The following LOXHD1 variants were observed in gnomAD, a reference collection of about 807,000 sequenced individuals.
LOXHD1 encodes lipoxygenase homology PLAT domains 1.
LOXHD1 carries 205 observed loss-of-function variants against 248.2 expected under a neutral mutation model. The observed-to-expected ratio is 0.83, with a 90% CI of 0.74 to 0.93. The LOEUF is 0.93. LOXHD1 is among the 40% of genes least tolerant of loss of function. LOXHD1 has a pLI of 0.00. For synonymous variants in LOXHD1, 1,113 were observed against 1,162.8 expected (o/e 0.96, Z 0.87); for missense variants, 2,930 against 2,971.6 (o/e 0.99, Z 0.33).
intron 12 of LOXHD1, among the ~76,000 whole-genome samples, chr18:46,581,747 ATAT>A (rs1285390601): frequency 1.3e-5 from 2 of 152,238 alleles, no homozygotes; most frequent in African/African-American, 4.8e-5. Flanking sequence ...ACACCTAGAC[ATAT>A]TATAGTCAAA....
intron 14 of LOXHD1, among the ~76,000 whole-genome samples, chr18:46,573,898 A>G (rs1283101289): frequency 6.6e-6 from 1 of 152,168 alleles, no homozygotes; most frequent in Non-Finnish European, 1.5e-5. Flanking sequence ...ACTCCAAGAC[A>G]TGAGCATGCA....
At chr18:46,635,493 C>G (rs2038881354) in intron 4 of LOXHD1, among the ~76,000 whole-genome samples, 1 of 152,108 alleles carries the variant, frequency 6.6e-6, no homozygotes, top group Non-Finnish European at 1.5e-5. Context: ...GCCATTTGAC[C>G]TTGGATGGAT....
At chr18:46,489,758 C>T (rs1364629005) in intron 37 of LOXHD1, among the ~76,000 whole-genome samples, 1 of 152,230 alleles carries the variant, frequency 6.6e-6, no homozygotes, top group Non-Finnish European at 1.5e-5. Context: ...GTGTCTCATC[C>T]TCCAGGCCAT....
At position 46,610,919 on chromosome 18, in the gene LOXHD1, G is replaced by T. The variant is rs867392327; in HGVS notation, c.616C>A (p.Arg206Ser). 1 of 1,551,604 alleles carries T rather than the reference G, an allele frequency of 6.4e-7. No individual in the cohort carries two copies. ...IFGEYGDTGE[R>S]RLENEKDNFE... Reference sequence around the variant, plus strand: ...TTGTCCTTTTCATTTTCTAGCCTACGCTCCCCTGTATGCACAGACATACAA... The same window carrying T: ...TTGTCCTTTTCATTTTCTAGCCTACTCTCCCCTGTATGCACAGACATACAA... Residue 206 changes from arginine (R) to serine (S), a missense_variant, in exon 6 of 41, where the codon CGT becomes AGT. Coordinates refer to ENST00000642948, the MANE Select transcript of LOXHD1 (RefSeq NM_001384474.1).
chr18:46,560,407 C>A lies in LOXHD1; in HGVS notation c.2737G>T (p.Glu913Ter). Residue 913 changes from glutamate to a stop codon, truncating the protein, a stop_gained, in exon 19 of 41, where the codon GAG becomes TAG. Coordinates refer to ENST00000642948, the MANE Select transcript of LOXHD1 (RefSeq NM_001384474.1). LOFTEE classifies it high-confidence loss of function. ...VREVDLTPEE[E>*]ARKKKEKDKL... ...TCCTTCTCCTTCTTCTTCCGGGCCT[C>A]CTCCTCCGGCGTGAGGTCCACCTCC... The A allele has an allele frequency of 3.9e-6, 6 of 1,549,718 alleles. No individual in the cohort carries two copies. The highest frequency in any genetic ancestry group is 5.2e-6 in the Non-Finnish European group (6 of 1,147,554).
At chr18:46,504,008 C>T (rs552498431) in intron 37 of LOXHD1, among the ~76,000 whole-genome samples, 73 of 139,528 alleles carry the variant, frequency 5.2e-4, no homozygotes, top group African/African-American at 1.7e-3. Flanking sequence ...CTGAGTAAGA[C>T]ATTCAAACCT....
chr18:46,648,789 T>C (rs2039067808), intron 2 of LOXHD1, among the ~76,000 whole-genome samples: 1 of 152,174 alleles, frequency 6.6e-6, no homozygotes, highest in African/African-American at 2.4e-5. Context: ...CTCCCTCAGA[T>C]GTATGGTCTT....
At chr18:46,557,788 G>T in intron 20 of LOXHD1, 1 of 1,115,260 alleles carries the variant, frequency 9.0e-7, no homozygotes, top group Non-Finnish European at 1.2e-6. Flanking sequence ...TTTGCTGGAT[G>T]CCCACATCTG....
intron 40 of LOXHD1, 91 bp from the exon 41 acceptor site, chr18:46,478,043 A>C: frequency 6.9e-7 from 1 of 1,448,306 alleles, no homozygotes; most frequent in Non-Finnish European, 9.2e-7. Context: ...CTCATCTATA[A>C]ATGATCCCTT....
chr18:46,591,865 T>C, intron 12 of LOXHD1, 68 bp downstream of exon 12: 1 of 1,536,542 alleles, frequency 6.5e-7, no homozygotes, highest in African/African-American at 1.4e-5. Context: ...AGCTCATAGG[T>C]CAGGCCCATC....
Position 46,559,472 on chromosome 18 carries a change from C to G in LOXHD1, c.3192G>C (p.Lys1064Asn). ...TGERPLKKSD[K>N]SNKFEQGQTD... ...CCTGCCCCTGCTCAAATTTGTTGGA[C>G]TTGTCTGACTTCTTCAGGGGTCGTT... The change falls in exon 20 of 41, where the codon AAG (lysine) becomes AAC (asparagine). Residue 1064 changes from lysine to asparagine, a missense_variant. Transcript: ENST00000642948. The G allele has an allele frequency of 6.4e-7, 1 of 1,552,088 alleles. No homozygotes were observed. Among genetic ancestry groups the G allele is most frequent in the South Asian group, 1.2e-5 (1 of 84,060 alleles).
chr18:46,550,894 G>A (rs946333045), intron 21 of LOXHD1, among the ~76,000 whole-genome samples: 11 of 152,238 alleles, frequency 7.2e-5, no homozygotes, highest in African/African-American at 2.4e-4. Flanking sequence ...AGGTTGCTCA[G>A]GGAGTATATT....
chr18:46,543,485 G>T (rs575370028), intron 23 of LOXHD1, among the ~76,000 whole-genome samples: 1 of 152,020 alleles, frequency 6.6e-6, no homozygotes, highest in South Asian at 2.1e-4. Context: ...TTTTACATAC[G>T]TATACATGTG....
At chr18:46,625,479 G>C (rs1022689774) in intron 4 of LOXHD1, among the ~76,000 whole-genome samples, 2 of 150,504 alleles carry the variant, frequency 1.3e-5, no homozygotes, top group African/African-American at 4.9e-5. Context: ...ATTAACACTA[G>C]CGATAGCTGA....
chr18:46,636,769 G>A (rs773015305), intron 4 of LOXHD1, among the ~76,000 whole-genome samples: 2 of 152,242 alleles, frequency 1.3e-5, no homozygotes, highest in South Asian at 4.2e-4. Flanking sequence ...TTTTATCATC[G>A]AAGTAGCAGC....
At chr18:46,558,226 CA>C (rs1263590798) in intron 20 of LOXHD1, among the ~76,000 whole-genome samples, 2 of 152,204 alleles carry the variant, frequency 1.3e-5, no homozygotes, top group Non-Finnish European at 2.9e-5. Flanking sequence ...ATCTCTCTTG[CA>C]CTCTCTCTCT....
intron 20 of LOXHD1, chr18:46,559,149 C>T (rs1470192190): frequency 1.4e-5 from 19 of 1,386,050 alleles, no homozygotes; most frequent in Non-Finnish European, 1.8e-5. Flanking sequence ...AGGACTTCCT[C>T]TTGAACCCCC....
At chr18:46,523,025 G>A (rs1426916672) in intron 31 of LOXHD1, among the ~76,000 whole-genome samples, 1 of 151,620 alleles carries the variant, frequency 6.6e-6, no homozygotes, top group African/African-American at 2.4e-5. Context: ...TCGGCTCACC[G>A]CAACCTCTGC....
intron 37 of LOXHD1, among the ~76,000 whole-genome samples, chr18:46,505,511 G>A (rs2034506813): frequency 6.6e-6 from 1 of 152,154 alleles, no homozygotes; most frequent in Admixed American, 6.5e-5. Flanking sequence ...GAAAATCCAT[G>A]GGAAATGAAC....
Sources: allele counts gnomAD v4.1 joint callset (sites outside exome capture counted in the v4.1 genomes callset), GRCh38; gene constraint gnomAD v4.1.1; transcripts MANE v1.5; gene names NCBI Gene and HGNC (gene_info 2026-07-23, HGNC 2026-07-21).